KIF20B: variants seen among roughly 807,000 people sequenced by gnomAD.
KIF20B encodes the protein kinesin family member 20B.
A neutral mutation model predicts 232.5 loss-of-function variants in KIF20B; 188 were observed. The ratio of observed to expected loss-of-function variants is 0.81; its 90% CI spans 0.72 to 0.91. The LOEUF is 0.91. Ranked by LOEUF, KIF20B falls within the 40% of genes least tolerant of loss-of-function variation. KIF20B has a pLI of 0.00. For missense variants in KIF20B, 2,154 were observed against 2,055.9 expected (o/e 1.05, Z -0.92); for synonymous variants, 712 against 683.0 (o/e 1.04, Z -0.66).
At chr10:89,740,502 C>G (rs1841774741) in intron 21 of KIF20B, among the ~76,000 whole-genome samples, 1 of 152,138 alleles carries the variant, frequency 6.6e-6, no homozygotes, top group Non-Finnish European at 1.5e-5. Context: ...CTCCTCTCTT[C>G]CACAGAGTTT....
chr10:89,726,391 T>C lies in KIF20B; in HGVS notation c.2100T>C (p.Ile700=). The C allele has an allele frequency of 1.3e-6, 2 of 1,577,746 alleles. No individual in the cohort carries two copies. Among genetic ancestry groups the C allele is most frequent in the Non-Finnish European group, 1.7e-6 (2 of 1,159,332 alleles). Residue 700 remains isoleucine (I), a synonymous_variant, in exon 16 of 33, where the codon ATT becomes ATC. Coordinates refer to ENST00000371728, the MANE Select transcript of KIF20B (RefSeq NM_001284259.2). ...KKQAEIAHLY[I]ASLPDPQEAT... The stretch of plus-strand genomic sequence containing the variant: ...AGGCTGAAATTGCTCACTTATATAT[T>C]GCATCTCTTCCTGACCCCCAGGAAG...
chr10:89,710,064 A>G lies in KIF20B; in HGVS notation c.489A>G (p.Gln163=), dbSNP rs761829678. Residue 163 remains glutamine (Q), a splice_region_variant and synonymous_variant, in exon 5 of 33, where the codon CAA becomes CAG. Coordinates refer to ENST00000371728, the MANE Select transcript of KIF20B (RefSeq NM_001284259.2). ...ATTCAGGAAAAACATATACATTTCA[A>G]GGTAAATATTGTTTTATTTTGGTTG... ...LTNSGKTYTF[Q]GTEENIGILP... is the part of the protein sequence containing the mutation. 1.3e-6 allele frequency: 2 copies of G among 1,597,642 alleles called. No homozygotes were observed. Among genetic ancestry groups the G allele is most frequent in the South Asian group, 1.1e-5 (1 of 87,090 alleles).
At chr10:89,728,905 T>TTGTGTGTGTGTGTGTGTG (rs71022581) in intron 17 of KIF20B, among the ~76,000 whole-genome samples, 38 of 138,016 alleles carry the variant, frequency 2.8e-4, no homozygotes, top group Admixed American at 3.7e-4. Context: ...TCTTTTTTCT[T>TTGTGTGTGTGTGTGTGTG]TGTGTGTGTG....
chr10:89,744,621 T>TA (rs996956449), intron 22 of KIF20B, among the ~76,000 whole-genome samples: 7 of 152,178 alleles, frequency 4.6e-5, no homozygotes, highest in Middle Eastern at 3.2e-3. Flanking sequence ...AAATTCCTTT[T>TA]AAAAATGATA....
intron 23 of KIF20B, among the ~76,000 whole-genome samples, chr10:89,747,413 G>A (rs1841936419): frequency 6.6e-6 from 1 of 151,964 alleles, no homozygotes; most frequent in Admixed American, 6.6e-5. Flanking sequence ...TATAAATCAT[G>A]CTGCTATAAA....
At chr10:89,752,304 T>C (rs1842037019) in intron 24 of KIF20B, among the ~76,000 whole-genome samples, 1 of 152,100 alleles carries the variant, frequency 6.6e-6, no homozygotes, top group Admixed American at 6.5e-5. Context: ...AAGTTTTCTA[T>C]ATAATAAGGT....
intron 27 of KIF20B, among the ~76,000 whole-genome samples, chr10:89,759,592 A>G (rs1466779162): frequency 6.6e-6 from 1 of 152,192 alleles, no homozygotes; most frequent in Non-Finnish European, 1.5e-5. Flanking sequence ...GTTTAATAAT[A>G]TATCCTAGAA....
chr10:89,731,660 T>C (rs1843322157), intron 18 of KIF20B, among the ~76,000 whole-genome samples: 1 of 152,184 alleles, frequency 6.6e-6, no homozygotes, highest in South Asian at 2.1e-4. Flanking sequence ...TTGTATATTT[T>C]GAAGCGGGGA....
chr10:89,738,640 T>C, intron 20 of KIF20B, 23 bp downstream of exon 20: 1 of 1,520,054 alleles, frequency 6.6e-7, no homozygotes, highest in South Asian at 1.4e-5. Context: ...TTATTCAAAA[T>C]ATTTTAAAAT....
Position 89,709,981 on chromosome 10 carries a change from C to G in KIF20B, c.406C>G (p.Pro136Ala). Residue 136 changes from proline (P) to alanine (A), a missense_variant, in exon 5 of 33, where the codon CCA becomes GCA. Transcript: ENST00000371728. ...ATTCTTTCAGGGTTGCATTATGCAA[C>G]CAGTAAAAGACCTCTTGAAAGGACA... ...KEFFQGCIMQ[P>A]VKDLLKGQSR... 1 of 1,611,058 alleles carries G rather than the reference C, an allele frequency of 6.2e-7. No homozygotes were observed.
At chr10:89,713,467 A>G (rs1177443380) in intron 6 of KIF20B, among the ~76,000 whole-genome samples, 2 of 152,088 alleles carry the variant, frequency 1.3e-5, no homozygotes, top group Non-Finnish European at 2.9e-5. Flanking sequence ...GTGCTTTCAT[A>G]TATTGTAAAT....
intron 12 of KIF20B, 88 bp from the exon 13 acceptor site, chr10:89,719,331 C>T: frequency 1.1e-6 from 1 of 948,554 alleles, no homozygotes; most frequent in South Asian, 2.1e-5. Flanking sequence ...CTTGAGTGTT[C>T]ATTTGACTTA....
rs34668146 is a variant in KIF20B at position 89,742,699 on chromosome 10, C to CTT, written c.3916-1091_3916-1090dup. 5.6e-3 allele frequency among the ~76,000 whole-genome samples: 657 copies of CTT among 118,218 alleles called. 6 individuals carry two copies. The highest frequency in any genetic ancestry group is 0.012 in the African/African-American group (366 of 30,624). The allele number at this position is 118,218 out of a possible 152,430, so 77.6% of individuals were successfully genotyped here. ...TACTATAATAAGGGCATCTTCAAGC[C>CTT]TTTTTTTTTTTTTTTTTTTGGGCGG... On this transcript the variant is annotated intron_variant, in intron 21 of 32. Coordinates refer to ENST00000371728, the MANE Select transcript of KIF20B (RefSeq NM_001284259.2).
intron 27 of KIF20B, among the ~76,000 whole-genome samples, chr10:89,759,233 G>C (rs1842191534): frequency 6.6e-6 from 1 of 152,002 alleles, no homozygotes; most frequent in African/African-American, 2.4e-5. Context: ...TGAACTCTTG[G>C]TGATTTTGAA....
intron 28 of KIF20B, among the ~76,000 whole-genome samples, chr10:89,761,018 C>T (rs1284589354): frequency 6.6e-6 from 1 of 152,056 alleles, no homozygotes; most frequent in Non-Finnish European, 1.5e-5. Flanking sequence ...AATAACAACT[C>T]GTGAGTTTCC....
intron 26 of KIF20B, among the ~76,000 whole-genome samples, chr10:89,758,075 A>G (rs1256055025): frequency 6.6e-6 from 1 of 151,942 alleles, no homozygotes; most frequent in African/African-American, 2.4e-5. Flanking sequence ...AGTATTCTAG[A>G]TGATTTGCAT....
Position 89,768,815 on chromosome 10 carries a change from T to TAAAA in KIF20B, c.5171_5172insAAAA (p.Lys1726GlufsTer29). ...CCATAATTGGTGTAAACCTGGCCAC[T>TAAAA]AAGAAAAAAGAAGGAACACTACAGA... On this transcript the variant is annotated frameshift_variant, in exon 31 of 33. Coordinates refer to ENST00000371728, the MANE Select transcript of KIF20B (RefSeq NM_001284259.2). LOFTEE classifies it high-confidence loss of function. 6.2e-7 allele frequency: 1 copy of TAAAA among 1,610,104 alleles called. No individual in the cohort carries two copies. The highest frequency in any genetic ancestry group is 8.5e-7 in the Non-Finnish European group (1 of 1,178,092).
At position 89,768,825 on chromosome 10, in the gene KIF20B, G is replaced by C; in HGVS notation, c.5179G>C (p.Glu1727Gln). 6.2e-7 allele frequency: 1 copy of C among 1,610,004 alleles called. No individual in the cohort carries two copies. Among genetic ancestry groups the C allele is most frequent in the Non-Finnish European group, 8.5e-7 (1 of 1,178,090 alleles). Residue 1727 changes from glutamate (E) to glutamine (Q), a missense_variant, in exon 31 of 33, where the codon GAA (glutamate) becomes CAA (glutamine). Physicochemically the swap from Glu to Gln is conservative, Grantham distance 29 (BLOSUM62 2). Coordinates refer to ENST00000371728, the MANE Select transcript of KIF20B (RefSeq NM_001284259.2). The stretch of plus-strand genomic sequence containing the variant: ...TGTAAACCTGGCCACTAAGAAAAAA[G>C]AAGGAACACTACAGAAATTTGGAGA... ...IGVNLATKKK[E>Q]GTLQKFGDFL...
At chr10:89,746,040 C>T (rs1841903214) in intron 23 of KIF20B, 81 bp downstream of exon 23, 3 of 999,662 alleles carry the variant, frequency 3.0e-6, no homozygotes, top group African/African-American at 1.6e-5. Flanking sequence ...GTATGACTTG[C>T]TTCATTGGTG....
Sources: allele counts gnomAD v4.1 joint callset (sites outside exome capture counted in the v4.1 genomes callset), GRCh38; gene constraint gnomAD v4.1.1; transcripts MANE v1.5; gene names NCBI Gene and HGNC (gene_info 2026-07-23, HGNC 2026-07-21).